CNTN6: variants seen among roughly 807,000 people sequenced by gnomAD.
CNTN6 encodes contactin-6.
In CNTN6, 137 loss-of-function variants were observed where a neutral mutation model predicts 122.8. The ratio of observed to expected loss-of-function variants is 1.12; its 90% CI spans 0.97 to 1.29. The LOEUF (loss-of-function observed/expected upper bound fraction) is 1.29. CNTN6 is among the 50% of genes most tolerant of loss of function. The pLI, the probability that CNTN6 is intolerant of heterozygous loss-of-function variation, is 0.00. For missense variants in CNTN6, 1,634 were observed against 1,223.4 expected, an observed-to-expected ratio of 1.34 and a Z score of -5.01; for synonymous variants, 570 against 426.0, an observed-to-expected ratio of 1.34 and a Z score of -4.16.
intron 4 of CNTN6, among the ~76,000 whole-genome samples, chr3:1,263,827 C>T (rs1378811350): frequency 1.3e-5 from 2 of 151,630 alleles, no homozygotes; most frequent in African/African-American, 2.4e-5. Flanking sequence ...AGTGACTGGG[C>T]CTTTGGGGAA....
chr3:1,402,868 C>A (rs969832926), intron 22 of CNTN6: 25 of 194,274 alleles, frequency 1.3e-4, no homozygotes, highest in African/African-American at 4.7e-5. Flanking sequence ...ATGTTCATGG[C>A]AGACATCACT....
At chr3:1,296,840 T>C (rs1163943660) in intron 6 of CNTN6, among the ~76,000 whole-genome samples, 1 of 152,170 alleles carries the variant, frequency 6.6e-6, no homozygotes, top group Non-Finnish European at 1.5e-5. Context: ...TTGGAGATTC[T>C]ACCATGTTTT....
intron 4 of CNTN6, among the ~76,000 whole-genome samples, chr3:1,272,305 A>G (rs2095040083): frequency 6.6e-6 from 1 of 152,204 alleles, no homozygotes; most frequent in African/African-American, 2.4e-5. Context: ...AATTGGGTCA[A>G]CTTTGGTCAG....
rs1700879554 is a variant in CNTN6 at position 1,321,726 on chromosome 3, G to A, written c.838G>A (p.Ala280Thr). Residue 280 changes from alanine (A) to threonine (T), a missense_variant, in exon 8 of 23, where the codon GCT becomes ACT. Ala to Thr is a moderately conservative substitution (Grantham distance 58). Transcript: ENST00000446702. ...GAAAGTCAAGTACAGCAAATCCCAA[G>A]CTATCCTTGAAATCCCGAACTTCCA... ...PGKVKYSKSQAILEIPNFQQE... is the reference protein window; with the variant it reads ...PGKVKYSKSQTILEIPNFQQE... 3 of 1,611,774 alleles carry A rather than the reference G, an allele frequency of 1.9e-6. No homozygotes were observed. Among genetic ancestry groups the A allele is most frequent in the South Asian group, 1.1e-5 (1 of 91,016 alleles).
At chr3:1,388,187 G>T (rs1453118815) in intron 20 of CNTN6, among the ~76,000 whole-genome samples, 1 of 150,678 alleles carries the variant, frequency 6.6e-6, no homozygotes, top group East Asian at 1.9e-4. Context: ...AGAGAGCACT[G>T]GTTCTCCCAG....
In CNTN6 at chr3:1,245,221, T is replaced by TATAACATATATATATAAC. The variant is rs1553638990; in HGVS notation, c.358+17231_358+17232insACATATATATATAACATA. Among the ~76,000 whole-genome samples, 2 of 18,764 alleles carry TATAACATATATATATAAC rather than the reference T, an allele frequency of 1.1e-4. 1 individual carries two copies. Among genetic ancestry groups the TATAACATATATATATAAC allele is most frequent in the African/African-American group, 7.1e-4 (2 of 2,826 alleles). 12.3% of individuals were successfully genotyped at this position (18,764 alleles called of 152,430 possible). On this transcript the variant is annotated intron_variant, in intron 4 of 22. Transcript: ENST00000446702. ...TGATATATATATATATATATATATA[T>TATAACATATATATATAAC]ATATATATATATATACACACACACA... is the stretch of plus-strand genomic sequence containing the variant.
chr3:1,300,015 T>A (rs1404565415), intron 7 of CNTN6, among the ~76,000 whole-genome samples: 1 of 152,088 alleles, frequency 6.6e-6, no homozygotes, highest in Non-Finnish European at 1.5e-5. Context: ...CTTGCTCTGT[T>A]GCTCAGGCTG....
chr3:1,340,898 A>G lies in CNTN6; in HGVS notation c.1364+10963A>G, dbSNP rs971290400. ...TCCAGCCCTGTTCTCTCACCTTTTT[A>G]TATGTGAGGGAAGCCGAGAACCTTA... is the stretch of plus-strand genomic sequence containing the variant. On this transcript the variant is annotated intron_variant, in intron 11 of 22. Transcript: ENST00000446702. Among the ~76,000 whole-genome samples the G allele has an allele frequency of 2.6e-5, 4 of 152,216 alleles. No individual in the cohort carries two copies. In the East Asian group the frequency reaches 7.7e-4, roughly 29 times the overall value.
At chr3:1,306,416 T>A (rs1265133112) in intron 7 of CNTN6, among the ~76,000 whole-genome samples, 2 of 152,160 alleles carry the variant, frequency 1.3e-5, no homozygotes, top group Non-Finnish European at 2.9e-5. Context: ...AAGCCAATTA[T>A]TCAGAAATTG....
chr3:1,326,046 A>T, intron 9 of CNTN6, 95 bp downstream of exon 9: 3 of 1,077,230 alleles, frequency 2.8e-6, no homozygotes, highest in Non-Finnish European at 4.0e-6. Flanking sequence ...GCTAATGTTA[A>T]TGGAGTCTTT....
At chr3:1,384,003 A>C (rs1169071879) in intron 19 of CNTN6, among the ~76,000 whole-genome samples, 1 of 150,394 alleles carries the variant, frequency 6.6e-6, no homozygotes, top group African/African-American at 2.5e-5. Flanking sequence ...AATCTGGTCC[A>C]CAGTAAAGTC....
intron 7 of CNTN6, among the ~76,000 whole-genome samples, chr3:1,306,656 T>A (rs1248722942): frequency 1.3e-5 from 2 of 151,204 alleles, no homozygotes; most frequent in African/African-American, 4.8e-5. Flanking sequence ...AGAGAGAGAA[T>A]AAATAGATAC....
chr3:1,227,929 C>T lies in CNTN6; in HGVS notation c.294C>T (p.Tyr98=), dbSNP rs746280088. 2.5e-6 allele frequency: 4 copies of T among 1,613,984 alleles called. No homozygotes were observed. Among genetic ancestry groups the T allele is most frequent in the East Asian group, 2.2e-5 (1 of 44,860 alleles). The change falls in exon 4 of 23, where the codon TAC becomes TAT. Residue 98 remains tyrosine (Y), a synonymous_variant. Transcript: ENST00000446702. ...ACACAGATCAAGATATTGGCATGTA[C>T]CAGTGCCTGGCCACCAATCTTCTGG... is the stretch of plus-strand genomic sequence containing the variant. ...SPHTDQDIGM[Y]QCLATNLLGT...
chr3:1,169,465 T>C (rs951358289), intron 2 of CNTN6, among the ~76,000 whole-genome samples: 4 of 152,194 alleles, frequency 2.6e-5, no homozygotes, highest in African/African-American at 9.7e-5. Flanking sequence ...ATATTTAGCT[T>C]TTCAGGGATA....
intron 8 of CNTN6, among the ~76,000 whole-genome samples, chr3:1,322,822 A>G (rs1421907586): frequency 6.6e-6 from 1 of 151,682 alleles, no homozygotes; most frequent in East Asian, 1.9e-4. Flanking sequence ...TATATAGAAT[A>G]TAATTTTCTA....
At chr3:1,356,096 G>C (rs989395496) in intron 12 of CNTN6, among the ~76,000 whole-genome samples, 1 of 151,740 alleles carries the variant, frequency 6.6e-6, no homozygotes, top group Non-Finnish European at 1.5e-5. Flanking sequence ...TTTTCATTTT[G>C]GAGGACTGAG....
chr3:1,246,441 TTTACTG>T (rs1345098011), intron 4 of CNTN6, among the ~76,000 whole-genome samples: 96 of 152,314 alleles, frequency 6.3e-4, no homozygotes, highest in Non-Finnish European at 2.2e-4. Context: ...ATGTGGAACT[TTTACTG>T]TTATTGGAAA....
chr3:1,278,826 G>A (rs536495644), intron 5 of CNTN6, among the ~76,000 whole-genome samples: 69 of 152,136 alleles, frequency 4.5e-4, no homozygotes, highest in African/African-American at 1.6e-3. Flanking sequence ...ATGACAAGGG[G>A]ACAATTTATT....
intron 20 of CNTN6, among the ~76,000 whole-genome samples, chr3:1,395,754 T>C (rs181295617): frequency 7.9e-5 from 12 of 152,332 alleles, no homozygotes; most frequent in Admixed American, 4.6e-4. Flanking sequence ...TTATTTTGCT[T>C]ACCACAGTTT....
Sources: allele counts gnomAD v4.1 joint callset (sites outside exome capture counted in the v4.1 genomes callset), GRCh38; gene constraint gnomAD v4.1.1; transcripts MANE v1.5; gene names NCBI Gene and HGNC (gene_info 2026-07-23, HGNC 2026-07-21).